Variants in NEDD4L observed in about 807,000 individuals in gnomAD.
The protein encoded by NEDD4L is E3 ubiquitin-protein ligase NEDD4-like.
In NEDD4L, 54 loss-of-function variants were observed where a neutral mutation model predicts 148.9. The observed-to-expected ratio is 0.36, with a 90% CI of 0.29 to 0.45. NEDD4L has a LOEUF of 0.45. Among genes scored for constraint, NEDD4L ranks in the 20% least tolerant of loss-of-function variants. NEDD4L has a pLI of 1.00. For synonymous variants in NEDD4L, 433 were observed against 440.7 expected, an observed-to-expected ratio of 0.98 and a Z score of 0.22; for missense variants, 856 against 1,233.8, an observed-to-expected ratio of 0.69 and a Z score of 4.59.
intron 9 of NEDD4L, among the ~76,000 whole-genome samples, chr18:58,326,087 C>A (rs1452891198): frequency 6.6e-6 from 1 of 152,172 alleles, no homozygotes; most frequent in Non-Finnish European, 1.5e-5. Context: ...ACATTTTAGA[C>A]AACAAGCAGT....
At chr18:58,103,800 C>G (rs539068806) in intron 1 of NEDD4L, among the ~76,000 whole-genome samples, 1 of 152,222 alleles carries the variant, frequency 6.6e-6, no homozygotes, top group Non-Finnish European at 1.5e-5. Flanking sequence ...GTTGGAGAGA[C>G]TGCCTGCGCA....
At chr18:58,069,609 C>T (rs1222392627) in intron 1 of NEDD4L, among the ~76,000 whole-genome samples, 3 of 152,132 alleles carry the variant, frequency 2.0e-5, no homozygotes, top group Non-Finnish European at 4.4e-5. Flanking sequence ...AGTGTTAATG[C>T]TGTAACTGAG....
chr18:58,066,346 T>G (rs1231549993), intron 1 of NEDD4L, among the ~76,000 whole-genome samples: 2 of 38,042 alleles, frequency 5.3e-5, no homozygotes, highest in Non-Finnish European at 1.0e-4. Flanking sequence ...GGGAATTGGG[T>G]TTATTTTGGT....
chr18:58,064,748 G>A (rs991998674), intron 1 of NEDD4L, among the ~76,000 whole-genome samples: 5 of 152,128 alleles, frequency 3.3e-5, no homozygotes, highest in African/African-American at 1.2e-4. Flanking sequence ...AAATATGCCC[G>A]TTAGTGTATT....
intron 1 of NEDD4L, among the ~76,000 whole-genome samples, chr18:58,109,835 T>C (rs1001845084): frequency 3.9e-5 from 6 of 152,078 alleles, no homozygotes; most frequent in Admixed American, 6.5e-5. Context: ...CCCAAAGTGC[T>C]AGGATTACAG....
chr18:58,276,547 GACTTA>G (rs1457905516), intron 5 of NEDD4L, among the ~76,000 whole-genome samples: 2 of 152,008 alleles, frequency 1.3e-5, no homozygotes, highest in African/African-American at 4.8e-5. Context: ...GAAACCTGGT[GACTTA>G]ACTTTTCTGA....
chr18:58,348,449 A>C (rs2043415814), intron 16 of NEDD4L, among the ~76,000 whole-genome samples: 1 of 143,440 alleles, frequency 7.0e-6, no homozygotes, highest in Admixed American at 7.2e-5. Flanking sequence ...CTCCTAACTC[A>C]GCCTCCCGAG....
At chr18:58,078,607 A>G (rs767251935) in intron 1 of NEDD4L, among the ~76,000 whole-genome samples, 4 of 152,222 alleles carry the variant, frequency 2.6e-5, no homozygotes, top group Non-Finnish European at 5.9e-5. Context: ...AGTAAGATGC[A>G]TTTCTAGTAA....
intron 1 of NEDD4L, among the ~76,000 whole-genome samples, chr18:58,090,229 T>C (rs576947665): frequency 1.3e-5 from 2 of 152,340 alleles, no homozygotes; most frequent in South Asian, 4.1e-4. Context: ...TCTTGCTTAC[T>C]GCTTTGGGAA....
intron 1 of NEDD4L, among the ~76,000 whole-genome samples, chr18:58,054,063 A>G (rs1236912863): frequency 6.6e-6 from 1 of 152,218 alleles, no homozygotes; most frequent in Non-Finnish European, 1.5e-5. Flanking sequence ...GTTCGTGTTG[A>G]ATGGGTTTTA....
chr18:58,342,887 C>A lies in NEDD4L; in HGVS notation c.1378-19C>A, dbSNP rs752271414. On this transcript the variant is annotated intron_variant, in intron 15 of 30. Coordinates refer to ENST00000400345, the MANE Select transcript of NEDD4L (RefSeq NM_001144967.3). ...ATCGCACATGCTAAAGAGTTCTAAT[C>A]CTCATTGTTATTCTTTAGGGTGCCA... 2 of 1,580,890 alleles carry A rather than the reference C, an allele frequency of 1.3e-6. No homozygotes were observed. Among genetic ancestry groups the A allele is most frequent in the South Asian group, 1.2e-5 (1 of 85,072 alleles).
At chr18:58,388,930 C>T (rs2049416505) in intron 27 of NEDD4L, 155 bp from the exon 28 acceptor site, 1 of 659,418 alleles carries the variant, frequency 1.5e-6, no homozygotes, top group Non-Finnish European at 2.8e-6. Flanking sequence ...CAGGTGGAGC[C>T]TGGAACAGGT....
intron 1 of NEDD4L, among the ~76,000 whole-genome samples, chr18:58,116,088 C>T (rs897973768): frequency 6.6e-6 from 1 of 152,196 alleles, no homozygotes; most frequent in Non-Finnish European, 1.5e-5. Context: ...AGGGACCCAG[C>T]GCACACCCCA....
chr18:58,280,599 G>A (rs1451511694), intron 5 of NEDD4L, among the ~76,000 whole-genome samples: 1 of 152,180 alleles, frequency 6.6e-6, no homozygotes, highest in African/African-American at 2.4e-5. Flanking sequence ...GGAGCCTGTC[G>A]AGGAAGCTAC....
At chr18:58,050,478 C>T (rs921956125) in intron 1 of NEDD4L, among the ~76,000 whole-genome samples, 4 of 150,910 alleles carry the variant, frequency 2.7e-5, no homozygotes, top group African/African-American at 9.8e-5. Flanking sequence ...ACAATAATAA[C>T]AGGCTGGGGC....
intron 5 of NEDD4L, among the ~76,000 whole-genome samples, chr18:58,274,311 G>A (rs891453921): frequency 1.3e-5 from 2 of 152,214 alleles, no homozygotes; most frequent in African/African-American, 4.8e-5. Context: ...GTTTGTTAGT[G>A]ACGTATAACC....
intron 1 of NEDD4L, among the ~76,000 whole-genome samples, chr18:58,142,351 C>A (rs1343195836): frequency 6.6e-6 from 1 of 151,972 alleles, no homozygotes; most frequent in Non-Finnish European, 1.5e-5. Context: ...CGCCCAGCCC[C>A]AAAATTTCTA....
At chr18:58,189,529 T>A (rs567426279) in intron 2 of NEDD4L, among the ~76,000 whole-genome samples, 2 of 152,300 alleles carry the variant, frequency 1.3e-5, no homozygotes, top group East Asian at 3.9e-4. Context: ...TCAGAACAAG[T>A]GCATCTGCTG....
intron 1 of NEDD4L, among the ~76,000 whole-genome samples, chr18:58,101,347 G>A (rs191277780): frequency 1.5e-3 from 224 of 152,292 alleles, no homozygotes; most frequent in African/African-American, 5.1e-3. Context: ...CTCTGAGGGC[G>A]ATGTCCTCCT....
Sources: allele counts gnomAD v4.1 joint callset (sites outside exome capture counted in the v4.1 genomes callset), GRCh38; gene constraint gnomAD v4.1.1; transcripts MANE v1.5; gene names NCBI Gene and HGNC (gene_info 2026-07-23, HGNC 2026-07-21).